Variants in CSMD1 observed in about 807,000 individuals in gnomAD.
The protein encoded by CSMD1 is CUB and sushi domain-containing protein 1.
Under a neutral mutation model 417.5 loss-of-function variants are expected in CSMD1, and 213 were observed. That is an observed-to-expected ratio of 0.51 (90% CI 0.46 to 0.57). The LOEUF is 0.57. CSMD1 is among the 20% of genes least tolerant of loss of function. The pLI is 0.00. For synonymous variants in CSMD1, 2,862 were observed against 1,736.8 expected, an observed-to-expected ratio of 1.65 and a Z score of -16.11; for missense variants, 6,923 against 4,529.7, an observed-to-expected ratio of 1.53 and a Z score of -15.17.
intron 5 of CSMD1, among the ~76,000 whole-genome samples, chr8:3,894,162 T>G (rs1431491599): frequency 4.6e-5 from 7 of 152,218 alleles, no homozygotes; most frequent in Non-Finnish European, 1.0e-4. Context: ...TACTCTATGC[T>G]ACACTTCTTT....
At chr8:3,188,335 C>T (rs1213604519) in intron 35 of CSMD1, among the ~76,000 whole-genome samples, 1 of 94,998 alleles carries the variant, frequency 1.1e-5, no homozygotes, top group African/African-American at 4.1e-5. Flanking sequence ...GAGATGGAGT[C>T]TTCCTCTGTC....
chr8:3,824,504 C>T (rs936273139), intron 5 of CSMD1, among the ~76,000 whole-genome samples: 2 of 152,182 alleles, frequency 1.3e-5, no homozygotes, highest in South Asian at 4.1e-4. Flanking sequence ...TAGCCATAAG[C>T]AGCCACGACA....
chr8:3,407,838 A>C, intron 14 of CSMD1, 61 bp downstream of exon 14: 1 of 1,434,250 alleles, frequency 7.0e-7, no homozygotes, highest in Non-Finnish European at 9.4e-7. Context: ...ACATATAAGC[A>C]AAATGGGAAC....
At chr8:3,299,509 C>G (rs1363356402) in intron 25 of CSMD1, among the ~76,000 whole-genome samples, 1 of 152,130 alleles carries the variant, frequency 6.6e-6, no homozygotes, top group Middle Eastern at 3.2e-3. Context: ...ATATCAGATA[C>G]AGGCACGTGA....
chr8:3,637,187 C>T (rs973129353), intron 7 of CSMD1, among the ~76,000 whole-genome samples: 1 of 152,178 alleles, frequency 6.6e-6, no homozygotes, highest in Non-Finnish European at 1.5e-5. Flanking sequence ...TTGTTTAACA[C>T]AGTTTTTAAG....
At chr8:4,378,509 T>A (rs1802897231) in intron 3 of CSMD1, among the ~76,000 whole-genome samples, 4 of 152,170 alleles carry the variant, frequency 2.6e-5, no homozygotes, top group Admixed American at 2.6e-4. Flanking sequence ...TCTCTCTTTC[T>A]CTCTGTTCAT....
chr8:4,112,086 A>C (rs1801886313), intron 3 of CSMD1, among the ~76,000 whole-genome samples: 1 of 152,212 alleles, frequency 6.6e-6, no homozygotes, highest in Non-Finnish European at 1.5e-5. Context: ...TTGAAATAAA[A>C]GGAAACTGAA....
At chr8:4,148,828 G>A (rs1432208232) in intron 3 of CSMD1, among the ~76,000 whole-genome samples, 2 of 152,174 alleles carry the variant, frequency 1.3e-5, no homozygotes, top group Non-Finnish European at 2.9e-5. Context: ...AGTCCCTCAT[G>A]CTGCCTTTGG....
At chr8:4,753,113 T>C (rs572546608) in intron 1 of CSMD1, among the ~76,000 whole-genome samples, 1 of 152,278 alleles carries the variant, frequency 6.6e-6, no homozygotes, top group South Asian at 2.1e-4. Context: ...GGAAACATTT[T>C]ATGGATAAGA....
chr8:4,090,911 C>CTT (rs34318541), intron 3 of CSMD1, among the ~76,000 whole-genome samples: 4 of 144,558 alleles, frequency 2.8e-5, no homozygotes, highest in Non-Finnish European at 6.1e-5. Flanking sequence ...AAGGGGCAGT[C>CTT]TTTTTTTTTT....
Position 3,671,481 on chromosome 8 carries a change from ACTCATATATATG to A in CSMD1, c.1009+36921_1009+36932del, listed in dbSNP as rs1160247369. On this transcript the variant is annotated intron_variant, in intron 7 of 69. Coordinates refer to ENST00000635120, the MANE Select transcript of CSMD1 (RefSeq NM_033225.6). ...ATCATACACATATAATCATATATAT[ACTCATATATATG>A]ATCATATATATATATATATGATCAT... Among the ~76,000 whole-genome samples the A allele has an allele frequency of 6.9e-4, 84 of 122,036 alleles. 6 individuals carry two copies. The highest frequency in any genetic ancestry group is 1.3e-3 in the African/African-American group (44 of 32,884). The allele number at this position is 122,036 out of a possible 152,430, so 80.1% of individuals were successfully genotyped here.
chr8:4,904,595 AGC>A (rs951329822), intron 1 of CSMD1, among the ~76,000 whole-genome samples: 9 of 152,122 alleles, frequency 5.9e-5, no homozygotes, highest in African/African-American at 2.2e-4. Context: ...AATATCATTA[AGC>A]ACATATATGA....
intron 5 of CSMD1, among the ~76,000 whole-genome samples, chr8:3,877,088 G>C (rs1016601150): frequency 6.6e-6 from 1 of 152,202 alleles, no homozygotes; most frequent in South Asian, 2.1e-4. Context: ...TTACAAGGGA[G>C]ATTCAGCCTG....
intron 26 of CSMD1, among the ~76,000 whole-genome samples, chr8:3,260,694 A>T (rs568392557): frequency 6.6e-6 from 1 of 152,128 alleles, no homozygotes; most frequent in South Asian, 2.1e-4. Flanking sequence ...CTTGAGTATT[A>T]CACAAAACAA....
intron 23 of CSMD1, among the ~76,000 whole-genome samples, chr8:3,339,309 C>T (rs1274727066): frequency 6.6e-6 from 1 of 152,102 alleles, no homozygotes; most frequent in African/African-American, 2.4e-5. Flanking sequence ...CTTCAAGCCT[C>T]TGTTTGCAGA....
chr8:3,786,624 A>C (rs1799470488), intron 5 of CSMD1, among the ~76,000 whole-genome samples: 1 of 152,156 alleles, frequency 6.6e-6, no homozygotes, highest in Non-Finnish European at 1.5e-5. Flanking sequence ...CAGTTGCTTA[A>C]ATCTAGCATC....
chr8:3,904,799 G>T (rs1808001249), intron 5 of CSMD1, among the ~76,000 whole-genome samples: 1 of 151,782 alleles, frequency 6.6e-6, no homozygotes, highest in Admixed American at 6.6e-5. Flanking sequence ...ACCATGCCCA[G>T]GTAATTTTTG....
intron 7 of CSMD1, among the ~76,000 whole-genome samples, chr8:3,650,178 C>A (rs1036571767): frequency 2.6e-5 from 4 of 151,708 alleles, no homozygotes; most frequent in African/African-American, 4.8e-5. Flanking sequence ...ATTGGGGAGG[C>A]TGAGGTAGGA....
Position 4,953,486 on chromosome 8 carries a change from G to C in CSMD1, c.85+40846C>G, listed in dbSNP as rs538227439. Among the ~76,000 whole-genome samples, 4 of 152,174 alleles carry C rather than the reference G, an allele frequency of 2.6e-5. No homozygotes were observed. In the East Asian group the frequency reaches 5.8e-4, roughly 22 times the overall value. ...TGCTTTATAAGGAGCATTTCTGGAT[G>C]AACCCAACATCGTCCACGGTGGCAA... On this transcript the variant is annotated intron_variant, in intron 1 of 69. Coordinates refer to ENST00000635120, the MANE Select transcript of CSMD1 (RefSeq NM_033225.6).
Sources: allele counts gnomAD v4.1 joint callset (sites outside exome capture counted in the v4.1 genomes callset), GRCh38; gene constraint gnomAD v4.1.1; transcripts MANE v1.5; gene names NCBI Gene and HGNC (gene_info 2026-07-23, HGNC 2026-07-21).